EIF5B: variants seen among roughly 807,000 people sequenced by gnomAD.
EIF5B encodes eIF-5B.
A neutral mutation model predicts 147.5 loss-of-function variants in EIF5B; 47 were observed. That is an observed-to-expected ratio of 0.32 (90% CI 0.25 to 0.41). EIF5B has a LOEUF of 0.41. Ranked by LOEUF, EIF5B falls within the 10% of genes least tolerant of loss-of-function variation. The probability of loss-of-function intolerance (pLI) is 1.00; values close to 1 mark genes in which losing one functional copy is unlikely to be tolerated. For synonymous variants in EIF5B, 455 were observed against 456.2 expected, an observed-to-expected ratio of 1.00 and a Z score of 0.03; for missense variants, 1,064 against 1,413.2, an observed-to-expected ratio of 0.75 and a Z score of 3.96.
intron 14 of EIF5B, among the ~76,000 whole-genome samples, chr2:99,385,982 A>AT (rs1239311880): frequency 6.6e-6 from 1 of 152,106 alleles, no homozygotes; most frequent in Non-Finnish European, 1.5e-5. Context: ...ATAGTATGTA[A>AT]TTTTTTAAGT....
At chr2:99,383,583 C>T (rs149309441) in intron 14 of EIF5B, among the ~76,000 whole-genome samples, 5 of 152,180 alleles carry the variant, frequency 3.3e-5, no homozygotes, top group South Asian at 2.1e-4. Flanking sequence ...AGGAAGCTGT[C>T]GAAGAAAAGT....
At chr2:99,359,940 G>A (rs749345799) in intron 1 of EIF5B, among the ~76,000 whole-genome samples, 5 of 152,052 alleles carry the variant, frequency 3.3e-5, no homozygotes, top group African/African-American at 4.8e-5. Context: ...TCATTCAGAC[G>A]CACAAAAAAC....
chr2:99,362,979 G>A (rs562737553), intron 4 of EIF5B, among the ~76,000 whole-genome samples: 72 of 151,942 alleles, frequency 4.7e-4, no homozygotes, highest in Non-Finnish European at 9.3e-4. Flanking sequence ...GGCTGGTCTC[G>A]AACTCCTGAC....
At position 99,394,356 on chromosome 2, in the gene EIF5B, T is replaced by C; in HGVS notation, c.2970T>C (p.Ser990=). Residue 990 remains serine, a synonymous_variant, in exon 19 of 24, where the codon TCT becomes TCC. Transcript: ENST00000289371. ...GVYVQASTLG[S]LEALLEFLKT... ...ATGTCCAGGCATCTACACTGGGTTC[T>C]TTGGAAGCTCTACTGGAATTTCTGA... 1 of 1,614,130 alleles carries C rather than the reference T, an allele frequency of 6.2e-7. No individual in the cohort carries two copies. Among genetic ancestry groups the C allele is most frequent in the Non-Finnish European group, 8.5e-7 (1 of 1,180,012 alleles).
intron 9 of EIF5B, among the ~76,000 whole-genome samples, chr2:99,375,145 A>G (rs571677129): frequency 2.6e-5 from 4 of 152,110 alleles, no homozygotes; most frequent in African/African-American, 9.6e-5. Flanking sequence ...GCCATTTTAA[A>G]ATTTTGATTT....
At chr2:99,390,430 T>TC in intron 16 of EIF5B, 29 bp downstream of exon 16, 3 of 1,567,286 alleles carry the variant, frequency 1.9e-6, no homozygotes, top group Non-Finnish European at 2.6e-6. Flanking sequence ...GTTTATTGTT[T>TC]TTTTTTTTTT....
chr2:99,375,107 T>C (rs191899374), intron 9 of EIF5B, among the ~76,000 whole-genome samples: 2 of 146,324 alleles, frequency 1.4e-5, no homozygotes, highest in East Asian at 3.9e-4. Context: ...ACTTTGTCTT[T>C]TGCTTCTGAC....
chr2:99,390,734 TG>T (rs1480968013), intron 17 of EIF5B, 29 bp downstream of exon 17: 10 of 1,585,930 alleles, frequency 6.3e-6, no homozygotes, highest in Non-Finnish European at 8.6e-6. Context: ...CATTGACACG[TG>T]GGGACTTGTA....
chr2:99,338,311 A>G (rs1370140477), intron 1 of EIF5B: 2 of 1,288,638 alleles, frequency 1.6e-6, no homozygotes, highest in Non-Finnish European at 2.0e-6. Context: ...TATGCGAGTT[A>G]CTTACCTAGA....
intron 6 of EIF5B, among the ~76,000 whole-genome samples, chr2:99,365,465 T>C (rs1446723720): frequency 2.0e-5 from 3 of 152,224 alleles, no homozygotes; most frequent in Non-Finnish European, 4.4e-5. Context: ...AGAATATAGC[T>C]TTTGTAAAAT....
At position 99,337,412 on chromosome 2, in the gene EIF5B, T is replaced by G. The variant is rs1203303256; in HGVS notation, c.-143T>G. The G allele has an allele frequency of 1.0e-6, 1 of 1,004,344 alleles. No homozygotes were observed. 62.2% of individuals were successfully genotyped at this position (1,004,344 alleles called of 1,614,324 possible). A position where few individuals can be genotyped will look rare whatever the true frequency, so the allele number is the denominator to read the frequency against. ...TCACACCATATGTGTCCTGTTCCAG[T>G]GCGCGGGTCTGTGGAGAGCCGGGTG... is the stretch of plus-strand genomic sequence containing the variant. On this transcript the variant is annotated 5_prime_UTR_variant, in exon 1 of 24. Transcript: ENST00000289371.
chr2:99,377,468 C>A (rs985518167), intron 10 of EIF5B, among the ~76,000 whole-genome samples: 1 of 151,030 alleles, frequency 6.6e-6, no homozygotes, highest in Non-Finnish European at 1.5e-5. Flanking sequence ...CAAACAACAT[C>A]TTGGCCTTTG....
At chr2:99,375,941 T>G (rs565184181) in intron 9 of EIF5B, among the ~76,000 whole-genome samples, 1 of 152,228 alleles carries the variant, frequency 6.6e-6, no homozygotes, top group South Asian at 2.1e-4. Context: ...ATATTCCAAA[T>G]TAAAAAAAAT....
chr2:99,368,123 T>G (rs2104194259), intron 6 of EIF5B, among the ~76,000 whole-genome samples: 1 of 152,314 alleles, frequency 6.6e-6, no homozygotes, highest in Admixed American at 6.5e-5. Context: ...TAAGATTCCA[T>G]TTATGTGACA....
chr2:99,377,694 G>C lies in EIF5B; in HGVS notation c.1842+1058G>C, dbSNP rs150858301. 6.2e-4 allele frequency among the ~76,000 whole-genome samples: 95 copies of C among 152,234 alleles called. 3 individuals are homozygous for C. In the East Asian group the frequency reaches 0.015, roughly 24 times the overall value. On this transcript the variant is annotated intron_variant, in intron 10 of 23. Transcript: ENST00000289371. ...TCCCTAGATTAGTTAATGGTAGTGT[G>C]TATGAGCTTCATGTTTTTAAAAATA... is the stretch of plus-strand genomic sequence containing the variant.
At position 99,401,128 on chromosome 2, in the gene EIF5B, T is replaced by TAAAAG. The variant is rs924941585; in HGVS notation, c.*1718_*1722dup. The stretch of plus-strand genomic sequence containing the variant: ...AAAGAAATGTACAAAACACTTGCTT[T>TAAAAG]AAAAGAAATTTAAAATTATAAAAAC... On this transcript the variant is annotated 3_prime_UTR_variant, in exon 24 of 24. Coordinates refer to ENST00000289371, the MANE Select transcript of EIF5B (RefSeq NM_015904.4). 4.7e-5 allele frequency: 27 copies of TAAAAG among 572,714 alleles called. No homozygotes were observed. Among genetic ancestry groups the TAAAAG allele is most frequent in the Non-Finnish European group, 8.0e-5 (27 of 336,436 alleles). The allele number at this position is 572,714 out of a possible 1,614,324, so 35.5% of individuals were successfully genotyped here.
intron 18 of EIF5B, 25 bp downstream of exon 18, chr2:99,393,123 C>A: frequency 6.7e-7 from 1 of 1,485,924 alleles, no homozygotes; most frequent in South Asian, 1.4e-5. Context: ...AAATTTTTTT[C>A]CTTAAAAGCT....
chr2:99,339,832 ACTAGACC>A (rs1295632772), intron 1 of EIF5B, among the ~76,000 whole-genome samples: 1 of 152,134 alleles, frequency 6.6e-6, no homozygotes, highest in Admixed American at 6.5e-5. Context: ...TAAATTGCAC[ACTAGACC>A]CTGTTGTTAA....
intron 1 of EIF5B, among the ~76,000 whole-genome samples, chr2:99,348,920 C>T (rs2094278562): frequency 6.6e-6 from 1 of 152,140 alleles, no homozygotes; most frequent in African/African-American, 2.4e-5. Context: ...CAAGTCATCC[C>T]AAACAGTGGC....
Sources: gnomAD v4.1 joint callset for allele counts (sites outside exome capture counted in the v4.1 genomes callset) on GRCh38, gnomAD v4.1.1 for gene constraint, MANE v1.5 for transcripts, NCBI Gene and HGNC (gene_info 2026-07-23, HGNC 2026-07-21) for gene names.